Variants in PAPSS2 observed in about 807,000 individuals in gnomAD.
PAPSS2 encodes 3'-phosphoadenosine 5'-phosphosulfate synthase 2.
In PAPSS2, 61 loss-of-function variants were observed where a neutral mutation model predicts 66.5. The ratio of observed to expected loss-of-function variants is 0.92; its 90% CI spans 0.75 to 1.14. The LOEUF (loss-of-function observed/expected upper bound fraction) is 1.14. PAPSS2 is among the 50% of genes most tolerant of loss of function. PAPSS2 has a pLI of 0.00. For synonymous variants in PAPSS2, 289 were observed against 287.5 expected, an observed-to-expected ratio of 1.01 and a Z score of -0.05; for missense variants, 708 against 789.6, an observed-to-expected ratio of 0.90 and a Z score of 1.24.
Position 87,660,320 on chromosome 10 carries a change from C to G in PAPSS2, c.27+312C>G. 1.5e-5 allele frequency: 8 copies of G among 544,962 alleles called. 1 individual carries two copies. The South Asian group carries it at 1.8e-4, about 12-fold the overall frequency. The allele number at this position is 544,962 out of a possible 1,614,324, so 33.8% of individuals were successfully genotyped here. On this transcript the variant is annotated intron_variant, in intron 1 of 12. Coordinates refer to ENST00000456849, the MANE Select transcript of PAPSS2 (RefSeq NM_001015880.2). The stretch of plus-strand genomic sequence containing the variant: ...AGATCCAGGACCAGGGACAGGAAAT[C>G]CCCTTTCTTTCCCAAGAGCTCTTCC...
At chr10:87,677,398 C>G (rs1251903177) in intron 1 of PAPSS2, among the ~76,000 whole-genome samples, 1 of 152,080 alleles carries the variant, frequency 6.6e-6, no homozygotes, top group African/African-American at 2.4e-5. Context: ...ATATATGCCC[C>G]TATGTATTGA....
chr10:87,681,121 C>T lies in PAPSS2; in HGVS notation c.27+21113C>T, dbSNP rs1853015256. On this transcript the variant is annotated intron_variant, in intron 1 of 12. Transcript: ENST00000456849. The stretch of plus-strand genomic sequence containing the variant: ...TATTATCCTACAATGCACAGGACCA[C>T]AGGACAGCCCTCCAACACAAAGAAT... Among the ~76,000 whole-genome samples the T allele has an allele frequency of 1.3e-5, 2 of 152,194 alleles. 1 individual carries two copies. Among genetic ancestry groups the T allele is most frequent in the Admixed American group, 1.3e-4 (2 of 15,282 alleles).
intron 7 of PAPSS2, 71 bp from the exon 8 acceptor site, chr10:87,721,685 G>C: frequency 9.8e-7 from 1 of 1,019,434 alleles, no homozygotes; most frequent in Non-Finnish European, 1.5e-6. Context: ...TTTGTTCTTT[G>C]ACATTGTTGC....
intron 3 of PAPSS2, 59 bp from the exon 4 acceptor site, chr10:87,713,985 G>GTGAT: frequency 6.3e-7 from 1 of 1,588,534 alleles, no homozygotes; most frequent in Non-Finnish European, 8.6e-7. Flanking sequence ...ACAGTGTTTT[G>GTGAT]TGATTTAGAA....
At chr10:87,700,382 T>C (rs892762607) in intron 1 of PAPSS2, among the ~76,000 whole-genome samples, 1 of 152,172 alleles carries the variant, frequency 6.6e-6, no homozygotes, top group African/African-American at 2.4e-5. Context: ...TTTGTCTGGG[T>C]GTAGTGGTTC....
At chr10:87,684,766 A>G (rs897253318) in intron 1 of PAPSS2, among the ~76,000 whole-genome samples, 2 of 152,290 alleles carry the variant, frequency 1.3e-5, no homozygotes, top group Non-Finnish European at 1.5e-5. Flanking sequence ...CATTTTGCTG[A>G]CGGGGAGATT....
chr10:87,697,280 C>G (rs1443905435), intron 1 of PAPSS2, among the ~76,000 whole-genome samples: 2 of 152,156 alleles, frequency 1.3e-5, no homozygotes, highest in Non-Finnish European at 2.9e-5. Flanking sequence ...TCCAGTCACC[C>G]TAGTGTGCGT....
intron 1 of PAPSS2, among the ~76,000 whole-genome samples, chr10:87,666,720 G>A (rs988858509): frequency 6.6e-6 from 1 of 152,050 alleles, no homozygotes; most frequent in Non-Finnish European, 1.5e-5. Context: ...AGGCCGTTTT[G>A]TTGCTCCAGC....
chr10:87,667,242 G>A lies in PAPSS2; in HGVS notation c.27+7234G>A, dbSNP rs111502418. ...GCTGAGGTGGGCGGATCACTTGAGC[G>A]CAGGAGTTTGAGACCAGCCTGGGCA... On this transcript the variant is annotated intron_variant, in intron 1 of 12. Coordinates refer to ENST00000456849, the MANE Select transcript of PAPSS2 (RefSeq NM_001015880.2). Among the ~76,000 whole-genome samples, 8 of 152,088 alleles carry A rather than the reference G, an allele frequency of 5.3e-5. No homozygotes were observed. In the East Asian group the frequency reaches 9.7e-4, roughly 18 times the overall value.
intron 1 of PAPSS2, among the ~76,000 whole-genome samples, chr10:87,692,728 T>C (rs1254790371): frequency 6.6e-6 from 1 of 152,230 alleles, no homozygotes; most frequent in Non-Finnish European, 1.5e-5. Flanking sequence ...TTATACAGCT[T>C]AAATTCCTAA....
chr10:87,712,711 C>T (rs1282541050), intron 2 of PAPSS2, among the ~76,000 whole-genome samples: 1 of 152,102 alleles, frequency 6.6e-6, no homozygotes, highest in Non-Finnish European at 1.5e-5. Context: ...CCCACCTTGG[C>T]CTCCCAAAAT....
At chr10:87,697,314 C>A (rs941829) in intron 1 of PAPSS2, among the ~76,000 whole-genome samples, 73,143 of 151,998 alleles carry the variant, frequency 0.48, 18,282 homozygotes, top group East Asian at 0.65. Context: ...CAACTCCTAG[C>A]AACTGTCTCA....
intron 1 of PAPSS2, among the ~76,000 whole-genome samples, chr10:87,683,665 T>C (rs537773723): frequency 6.6e-6 from 1 of 151,840 alleles, no homozygotes; most frequent in South Asian, 2.1e-4. Flanking sequence ...AGCTCTTTTA[T>C]GTTTCTTCCA....
At chr10:87,706,108 A>ATATATATGTGTGTG in intron 1 of PAPSS2, among the ~76,000 whole-genome samples, 3 of 52,002 alleles carry the variant, frequency 5.8e-5, no homozygotes, top group African/African-American at 3.0e-4. Flanking sequence ...ATATATATAT[A>ATATATATGTGTGTG]TGTGTGTGTG....
At chr10:87,706,995 A>C (rs1338483995) in intron 1 of PAPSS2, among the ~76,000 whole-genome samples, 1 of 152,170 alleles carries the variant, frequency 6.6e-6, no homozygotes, top group Non-Finnish European at 1.5e-5. Flanking sequence ...GTCTAGCTTT[A>C]GAGAGTTTTA....
chr10:87,700,666 A>G (rs1255753165), intron 1 of PAPSS2, among the ~76,000 whole-genome samples: 1 of 151,920 alleles, frequency 6.6e-6, no homozygotes, highest in Admixed American at 6.5e-5. Context: ...TCAAAAAAAA[A>G]AAAAAAGAAA....
At position 87,713,151 on chromosome 10, in the gene PAPSS2, C is replaced by T; in HGVS notation, c.222C>T (p.Tyr74=). The T allele has an allele frequency of 6.2e-7, 1 of 1,613,228 alleles. No homozygotes were observed. The stretch of plus-strand genomic sequence containing the variant: ...TTGTCTCCCATGCCATCCCTTGTTA[C>T]TCCCTGGATGGGGACAATGTCCGTC... ...EYLVSHAIPC[Y]SLDGDNVRHG... Residue 74 remains tyrosine (Y), a synonymous_variant, in exon 3 of 13, where the codon TAC becomes TAT. Transcript: ENST00000456849.
intron 1 of PAPSS2, among the ~76,000 whole-genome samples, chr10:87,683,483 A>G (rs918975086): frequency 3.3e-5 from 5 of 152,238 alleles, no homozygotes; most frequent in African/African-American, 9.6e-5. Flanking sequence ...CCTTATATTC[A>G]TCCTCTATTC....
intron 1 of PAPSS2, among the ~76,000 whole-genome samples, chr10:87,673,689 C>CTTTTTTTTTT (rs34935261): frequency 1.5e-5 from 1 of 67,424 alleles, no homozygotes. Context: ...TTTTGGCTTA[C>CTTTTTTTTTT]TTTTTTTTTT....
Sources: gnomAD v4.1 joint callset for allele counts (sites outside exome capture counted in the v4.1 genomes callset) on GRCh38, gnomAD v4.1.1 for gene constraint, MANE v1.5 for transcripts, NCBI Gene and HGNC (gene_info 2026-07-23, HGNC 2026-07-21) for gene names.